The following ERC2 variants were observed in gnomAD, a reference collection of about 807,000 sequenced individuals.
ERC2 encodes the protein ELKS/RAB6-interacting/CAST family member 2.
Under a neutral mutation model 114.8 loss-of-function variants are expected in ERC2, and 42 were observed. The ratio of observed to expected loss-of-function variants is 0.37; its 90% CI spans 0.29 to 0.47. ERC2 has a LOEUF of 0.47. Ranked by LOEUF, ERC2 falls within the 20% of genes least tolerant of loss-of-function variation. The pLI is 0.99. For synonymous variants in ERC2, 454 were observed against 425.5 expected (o/e 1.07, Z -0.82); for missense variants, 939 against 1,150.7 (o/e 0.82, Z 2.66).
At chr3:56,274,694 T>G (rs1448887576) in intron 3 of ERC2, among the ~76,000 whole-genome samples, 1 of 152,188 alleles carries the variant, frequency 6.6e-6, no homozygotes, top group East Asian at 1.9e-4. Context: ...AAATAAATGT[T>G]GCCAAAAAGG....
At chr3:55,800,808 G>A (rs1466950109) in intron 14 of ERC2, among the ~76,000 whole-genome samples, 1 of 152,172 alleles carries the variant, frequency 6.6e-6, no homozygotes, top group African/African-American at 2.4e-5. Context: ...GCAGAGTTGA[G>A]CTAATAGCAG....
intron 14 of ERC2, among the ~76,000 whole-genome samples, chr3:55,816,457 T>C (rs1030548481): frequency 1.3e-5 from 2 of 152,206 alleles, no homozygotes; most frequent in African/African-American, 4.8e-5. Context: ...GAAAGCCACA[T>C]AGATACAAAG....
At chr3:55,738,326 A>G (rs1217237724) in intron 14 of ERC2, among the ~76,000 whole-genome samples, 2 of 152,216 alleles carry the variant, frequency 1.3e-5, no homozygotes, top group African/African-American at 2.4e-5. Flanking sequence ...CACCATTTCA[A>G]GGTGACAGGA....
chr3:56,446,371 G>T (rs1232263831), intron 1 of ERC2, among the ~76,000 whole-genome samples: 2 of 152,266 alleles, frequency 1.3e-5, no homozygotes, highest in South Asian at 2.1e-4. Context: ...GGTAAGGCTA[G>T]AAGCTTCTGG....
intron 17 of ERC2, among the ~76,000 whole-genome samples, chr3:55,532,409 G>A (rs2053726275): frequency 6.6e-6 from 1 of 152,018 alleles, no homozygotes; most frequent in African/African-American, 2.4e-5. Context: ...CTTGTCATGG[G>A]GTACAAAACT....
At chr3:55,554,564 G>T (rs980286388) in intron 17 of ERC2, among the ~76,000 whole-genome samples, 1 of 152,232 alleles carries the variant, frequency 6.6e-6, no homozygotes, top group Admixed American at 6.5e-5. Context: ...CTCTCCTGGG[G>T]TGTGGATGGT....
At chr3:56,432,214 A>G (rs901365455) in intron 2 of ERC2, among the ~76,000 whole-genome samples, 7 of 152,246 alleles carry the variant, frequency 4.6e-5, no homozygotes, top group Non-Finnish European at 1.0e-4. Flanking sequence ...TAATTTATAA[A>G]TAAATATACA....
chr3:56,359,525 C>G (rs1265538833), intron 2 of ERC2, among the ~76,000 whole-genome samples: 1 of 152,230 alleles, frequency 6.6e-6, no homozygotes, highest in Non-Finnish European at 1.5e-5. Flanking sequence ...ACAAAATAGA[C>G]ATTATTATTC....
At chr3:56,364,323 A>T (rs1418135492) in intron 2 of ERC2, among the ~76,000 whole-genome samples, 2 of 152,228 alleles carry the variant, frequency 1.3e-5, no homozygotes, top group African/African-American at 4.8e-5. Flanking sequence ...TCGAGCTGTC[A>T]ATAGCTGTAC....
At chr3:55,782,962 T>A (rs565149954) in intron 14 of ERC2, among the ~76,000 whole-genome samples, 1 of 152,284 alleles carries the variant, frequency 6.6e-6, no homozygotes, top group South Asian at 2.1e-4. Context: ...ATTCAACAGA[T>A]GGTAAATAGC....
At chr3:56,014,467 AT>A (rs986433501) in intron 8 of ERC2, among the ~76,000 whole-genome samples, 3 of 152,108 alleles carry the variant, frequency 2.0e-5, no homozygotes, top group African/African-American at 7.2e-5. Flanking sequence ...AAAAATGTGT[AT>A]TTTGAAGATG....
chr3:55,931,520 C>T (rs1035363556), intron 13 of ERC2, among the ~76,000 whole-genome samples: 2 of 152,112 alleles, frequency 1.3e-5, no homozygotes, highest in African/African-American at 2.4e-5. Context: ...CCAAACAGCA[C>T]ATGTTCTCAT....
chr3:55,632,280 T>C (rs1700116364), intron 17 of ERC2, among the ~76,000 whole-genome samples: 1 of 152,210 alleles, frequency 6.6e-6, no homozygotes. Context: ...TGTGGATCCC[T>C]ATAGAACATC....
chr3:56,154,134 G>A (rs957898301), intron 4 of ERC2, among the ~76,000 whole-genome samples: 4 of 152,160 alleles, frequency 2.6e-5, no homozygotes, highest in Non-Finnish European at 5.9e-5. Context: ...TAGGCTACCT[G>A]AGTAAGGCCC....
intron 15 of ERC2, among the ~76,000 whole-genome samples, chr3:55,708,374 A>G (rs1177556534): frequency 2.6e-5 from 4 of 152,224 alleles, no homozygotes; most frequent in Non-Finnish European, 5.9e-5. Flanking sequence ...AAGGCCCTAG[A>G]TGTTTCCACC....
At chr3:55,957,738 G>T (rs2068060496) in intron 12 of ERC2, among the ~76,000 whole-genome samples, 2 of 152,240 alleles carry the variant, frequency 1.3e-5, no homozygotes, top group Admixed American at 6.5e-5. Flanking sequence ...GAGGAGGGGG[G>T]GGCAGCTCCA....
chr3:55,645,155 T>C (rs2060341305), intron 17 of ERC2, among the ~76,000 whole-genome samples: 1 of 152,162 alleles, frequency 6.6e-6, no homozygotes, highest in Admixed American at 6.5e-5. Flanking sequence ...TGGAAATGAG[T>C]ATATGTATAT....
chr3:55,778,407 C>T (rs1381732936), intron 14 of ERC2, among the ~76,000 whole-genome samples: 2 of 152,174 alleles, frequency 1.3e-5, no homozygotes, highest in Non-Finnish European at 2.9e-5. Flanking sequence ...TATTCCATTT[C>T]ATGTATTTCA....
In ERC2 at chr3:55,802,994, T is replaced by C. The variant is rs143938444; in HGVS notation, c.2565-68076A>G. On this transcript the variant is annotated intron_variant, in intron 14 of 17. Transcript: ENST00000288221. ...ATTACGATTTCAAAGAATGAAAAGT[T>C]CGCTCATGTGGAATGTAGGTATTCT... 2.9e-3 allele frequency among the ~76,000 whole-genome samples: 447 copies of C among 152,290 alleles called. 4 individuals are homozygous for C. Among genetic ancestry groups the C allele is most frequent in the African/African-American group, 0.01 (425 of 41,574 alleles).
Sources: gnomAD v4.1 joint callset for allele counts (sites outside exome capture counted in the v4.1 genomes callset) on GRCh38, gnomAD v4.1.1 for gene constraint, MANE v1.5 for transcripts, NCBI Gene and HGNC (gene_info 2026-07-23, HGNC 2026-07-21) for gene names.